Variants in TGFA observed in about 807,000 individuals in gnomAD.
TGFA encodes the protein protransforming growth factor alpha.
TGFA carries 12 observed loss-of-function variants against 21.7 expected under a neutral mutation model. The observed-to-expected ratio is 0.55, with a 90% CI of 0.35 to 0.90. The LOEUF (loss-of-function observed/expected upper bound fraction) is 0.90. Ranked by LOEUF, TGFA falls within the 40% of genes least tolerant of loss-of-function variation. The probability of loss-of-function intolerance (pLI) is 0.01; values close to 1 mark genes in which losing one functional copy is unlikely to be tolerated. For missense variants in TGFA, 178 were observed against 210.8 expected, an observed-to-expected ratio of 0.84 and a Z score of 0.96; for synonymous variants, 79 against 88.1, an observed-to-expected ratio of 0.90 and a Z score of 0.58.
chr2:70,547,844 G>T (rs1423856885), intron 1 of TGFA, among the ~76,000 whole-genome samples: 6 of 146,866 alleles, frequency 4.1e-5, no homozygotes, highest in Admixed American at 6.8e-5. Context: ...TATATATAGA[G>T]ATATATATAT....
rs562348355 is a variant in TGFA at position 70,453,104 on chromosome 2, CTT to C, written c.475+112_475+113del. 289 of 959,230 alleles carry C rather than the reference CTT, an allele frequency of 3.0e-4. 1 individual carries two copies. In the African/African-American group the frequency reaches 3.9e-3, roughly 13 times the overall value. The allele number at this position is 959,230 out of a possible 1,614,324, so 59.4% of individuals were successfully genotyped here. On this transcript the variant is annotated intron_variant, in intron 5 of 5. Coordinates refer to ENST00000295400, the MANE Select transcript of TGFA (RefSeq NM_003236.4). ...CTGACTTGGTAGAATGAAACAGTCT[CTT>C]CCTTTTCTCCTCTCTTCCTGCTTCA...
intron 2 of TGFA, among the ~76,000 whole-genome samples, chr2:70,498,773 T>C (rs1166967376): frequency 1.3e-5 from 2 of 152,182 alleles, no homozygotes. Flanking sequence ...TATATTATAG[T>C]TGACAAATGC....
rs573763983 is a variant in TGFA at position 70,453,442 on chromosome 2, C to G, written c.366-115G>C. The stretch of plus-strand genomic sequence containing the variant: ...CTCCAGCTCTAAACCAGCTCCAAAC[C>G]AGCTCCCCATGGGGGCTTCTAGAGG... On this transcript the variant is annotated intron_variant, in intron 4 of 5. Coordinates refer to ENST00000295400, the MANE Select transcript of TGFA (RefSeq NM_003236.4). 3.0e-5 allele frequency: 24 copies of G among 793,082 alleles called. No homozygotes were observed. The East Asian group carries it at 5.8e-4, about 19-fold the overall frequency. 49.1% of individuals were successfully genotyped at this position (793,082 alleles called of 1,614,324 possible). A position where few individuals can be genotyped will look rare whatever the true frequency, so the allele number is the denominator to read the frequency against.
intron 2 of TGFA, among the ~76,000 whole-genome samples, chr2:70,505,130 T>G (rs76984183): frequency 0.093 from 14,192 of 152,266 alleles, 1,485 homozygotes; most frequent in African/African-American, 0.26. Flanking sequence ...CAAATTCATT[T>G]TAAAGTGTCA....
chr2:70,535,580 G>A lies in TGFA; in HGVS notation c.40+18148C>T, dbSNP rs190147569. Among the ~76,000 whole-genome samples, 66 of 152,294 alleles carry A rather than the reference G, an allele frequency of 4.3e-4. 1 individual carries two copies. The highest frequency in any genetic ancestry group is 1.6e-3 in the African/African-American group (65 of 41,560). ...TTCACAAAAATCACAATTACTGTTT[G>A]ATCACTTAGATATATCCTACATGGG... On this transcript the variant is annotated intron_variant, in intron 1 of 5. Coordinates refer to ENST00000295400, the MANE Select transcript of TGFA (RefSeq NM_003236.4).
At chr2:70,529,619 T>C (rs13431373) in intron 1 of TGFA, among the ~76,000 whole-genome samples, 37,836 of 149,656 alleles carry the variant, frequency 0.25, 8,227 homozygotes, top group African/African-American at 0.59. Context: ...AAAGAGCAGG[T>C]GGCTGCTGTG....
chr2:70,545,866 T>C (rs1673286615), intron 1 of TGFA, among the ~76,000 whole-genome samples: 1 of 152,300 alleles, frequency 6.6e-6, no homozygotes, highest in Middle Eastern at 3.4e-3. Flanking sequence ...AAAGGATTAC[T>C]ATTCTTCTCA....
intron 2 of TGFA, 36 bp downstream of exon 2, chr2:70,514,823 A>C (rs1574121835): frequency 6.2e-7 from 1 of 1,610,756 alleles, no homozygotes; most frequent in East Asian, 2.2e-5. Flanking sequence ...CTCCCTTCCC[A>C]CACACGATCC....
Position 70,523,314 on chromosome 2 carries a change from T to C in TGFA, c.41-8402A>G, listed in dbSNP as rs546546025. Among the ~76,000 whole-genome samples the C allele has an allele frequency of 5.9e-4, 90 of 152,284 alleles. 4 individuals carry two copies. The highest frequency in any genetic ancestry group is 5.4e-3 in the Admixed American group (82 of 15,294). Reference sequence around the variant, plus strand: ...CTAAGACAGAGGAGTGAACGCTCATTGTGAACGTTCGTTGTGAATGTTGTG... The same window carrying C: ...CTAAGACAGAGGAGTGAACGCTCATCGTGAACGTTCGTTGTGAATGTTGTG... On this transcript the variant is annotated intron_variant, in intron 1 of 5. Transcript: ENST00000295400.
intron 3 of TGFA, among the ~76,000 whole-genome samples, chr2:70,464,314 G>T (rs571599930): frequency 2.6e-5 from 4 of 152,184 alleles, no homozygotes; most frequent in Non-Finnish European, 5.9e-5. Flanking sequence ...GTTAGCACAC[G>T]GATTGTACTT....
intron 2 of TGFA, among the ~76,000 whole-genome samples, chr2:70,489,796 C>T (rs1425807047): frequency 1.3e-5 from 2 of 152,306 alleles, no homozygotes; most frequent in Middle Eastern, 6.8e-3. Context: ...ACTGGTGCTA[C>T]CTGGGAGCTT....
At chr2:70,542,704 G>T (rs996238495) in intron 1 of TGFA, among the ~76,000 whole-genome samples, 12 of 152,184 alleles carry the variant, frequency 7.9e-5, no homozygotes, top group African/African-American at 2.7e-4. Flanking sequence ...AAATTACAAT[G>T]TCATATACTC....
chr2:70,475,450 C>G (rs1386395393), intron 2 of TGFA, among the ~76,000 whole-genome samples: 1 of 152,128 alleles, frequency 6.6e-6, no homozygotes, highest in Non-Finnish European at 1.5e-5. Context: ...GAAACCAGAA[C>G]TCATGGTTGG....
chr2:70,548,333 G>A (rs528830515), intron 1 of TGFA, among the ~76,000 whole-genome samples: 1 of 152,312 alleles, frequency 6.6e-6, no homozygotes, highest in East Asian at 1.9e-4. Context: ...TGATAGAGGA[G>A]AGAGGTTAAG....
intron 2 of TGFA, among the ~76,000 whole-genome samples, chr2:70,508,208 G>A (rs1219591771): frequency 1.3e-5 from 2 of 152,164 alleles, no homozygotes; most frequent in African/African-American, 2.4e-5. Flanking sequence ...ACTTTGGGAC[G>A]CTGAGGCGGG....
intron 2 of TGFA, among the ~76,000 whole-genome samples, chr2:70,476,664 G>A (rs1670944435): frequency 1.3e-5 from 2 of 152,178 alleles, no homozygotes; most frequent in Admixed American, 1.3e-4. Flanking sequence ...AACATTTTAT[G>A]TCCTCAGAAC....
intron 2 of TGFA, among the ~76,000 whole-genome samples, chr2:70,474,561 G>C (rs1454076259): frequency 1.3e-5 from 2 of 152,214 alleles, no homozygotes; most frequent in African/African-American, 4.8e-5. Context: ...ATTCTCACAA[G>C]GGAGCAGTGG....
In TGFA at chr2:70,480,805, C is replaced by T. The variant is rs142418390; in HGVS notation, c.95-15069G>A. Among the ~76,000 whole-genome samples the T allele has an allele frequency of 2.6e-4, 38 of 147,778 alleles. No individual in the cohort carries two copies. The East Asian group carries it at 6.9e-3, about 27-fold the overall frequency. On this transcript the variant is annotated intron_variant, in intron 2 of 5. Coordinates refer to ENST00000295400, the MANE Select transcript of TGFA (RefSeq NM_003236.4). ...CTTCCCTGGATAATATCCCCCAGAG[C>T]TGCAACCCCCCTCCCTCTCTCCAAG...
At chr2:70,459,556 T>C (rs991772745) in intron 3 of TGFA, among the ~76,000 whole-genome samples, 1 of 152,210 alleles carries the variant, frequency 6.6e-6, no homozygotes, top group Non-Finnish European at 1.5e-5. Flanking sequence ...CTGATTGTCC[T>C]GGAGCGAGGT....
Sources: allele counts gnomAD v4.1 joint callset (sites outside exome capture counted in the v4.1 genomes callset), GRCh38; gene constraint gnomAD v4.1.1; transcripts MANE v1.5; gene names NCBI Gene and HGNC (gene_info 2026-07-23, HGNC 2026-07-21).